MAP3K7CL: variants seen among roughly 807,000 people sequenced by gnomAD.
The protein encoded by MAP3K7CL is MAP3K7 C-terminal like.
In MAP3K7CL, 16 loss-of-function variants were observed where a neutral mutation model predicts 18.6. That is an observed-to-expected ratio of 0.86 (90% confidence interval 0.58 to 1.31). MAP3K7CL has a LOEUF of 1.31. Among genes scored for constraint, MAP3K7CL ranks in the 50% most tolerant of loss-of-function variants. The pLI is 0.00. For synonymous variants in MAP3K7CL, 65 were observed against 66.8 expected (o/e 0.97, Z 0.13); for missense variants, 163 against 174.4 (o/e 0.93, Z 0.37).
upstream of MAP3K7CL, among the ~76,000 whole-genome samples, chr21:29,085,466 G>A (rs2085907404): frequency 6.8e-6 from 1 of 146,910 alleles, no homozygotes; most frequent in Non-Finnish European, 1.5e-5. Flanking sequence ...AGAATGGAGT[G>A]AACCCGGGAG....
In MAP3K7CL at chr21:29,108,640, C is replaced by G. The variant is rs532628270; in HGVS notation, c.370+16059C>G. Among the ~76,000 whole-genome samples, 24 of 152,272 alleles carry G rather than the reference C, an allele frequency of 1.6e-4. 1 individual carries two copies. The South Asian group carries it at 2.7e-3, about 17-fold the overall frequency. On this transcript the variant is annotated intron_variant, in intron 4 of 6. Coordinates refer to the MAP3K7CL transcript ENST00000286791. Reference sequence around the variant, plus strand: ...CTTACAGCATCTGGGTATGTTTGGACAAACCACTCCCCTCTCTGAGTCCCA... The same window carrying G: ...CTTACAGCATCTGGGTATGTTTGGAGAAACCACTCCCCTCTCTGAGTCCCA...
intron 4 of MAP3K7CL, among the ~76,000 whole-genome samples, chr21:29,105,239 G>A (rs749301995): frequency 3.9e-5 from 6 of 152,142 alleles, no homozygotes; most frequent in Admixed American, 6.6e-5. Context: ...TATTGAAAAA[G>A]GCCTTGCTCT....
intron 4 of MAP3K7CL, among the ~76,000 whole-genome samples, chr21:29,174,399 A>G (rs1000269456): frequency 1.3e-4 from 20 of 152,242 alleles, no homozygotes; most frequent in Non-Finnish European, 4.4e-5. Flanking sequence ...GAAAAATTTT[A>G]CACAGATATT....
chr21:29,159,838 G>T, intron 3 of MAP3K7CL, 103 bp from the exon 4 acceptor site: 4 of 713,546 alleles, frequency 5.6e-6, no homozygotes, highest in Non-Finnish European at 6.9e-6. Context: ...AAAAAAAAAA[G>T]AAGAAGAAAA....
chr21:29,125,148 G>T (rs916887746), intron 4 of MAP3K7CL, among the ~76,000 whole-genome samples: 1 of 152,144 alleles, frequency 6.6e-6, no homozygotes, highest in Non-Finnish European at 1.5e-5. Context: ...CATAGTGCCT[G>T]TTTTATTTCT....
intron 4 of MAP3K7CL, among the ~76,000 whole-genome samples, chr21:29,110,035 G>C (rs1219672950): frequency 9.9e-5 from 15 of 152,114 alleles, no homozygotes; most frequent in Admixed American, 9.2e-4. Flanking sequence ...GTACTTACTT[G>C]CATTTCTGTG....
chr21:29,154,034 G>A (rs1421384354), intron 3 of MAP3K7CL, among the ~76,000 whole-genome samples: 2 of 152,152 alleles, frequency 1.3e-5, no homozygotes, highest in East Asian at 1.9e-4. Context: ...TTAGCATTGG[G>A]TTGGCCTGGA....
intron 4 of MAP3K7CL, among the ~76,000 whole-genome samples, chr21:29,103,140 C>G (rs565336628): frequency 1.3e-4 from 20 of 152,312 alleles, no homozygotes; most frequent in Admixed American, 1.2e-3. Flanking sequence ...TGCAGCCTGT[C>G]TTTGTAAATA....
chr21:29,112,831 C>CT (rs918701957), intron 4 of MAP3K7CL, among the ~76,000 whole-genome samples: 7 of 144,494 alleles, frequency 4.8e-5, no homozygotes, highest in East Asian at 2.0e-4. Context: ...TTTTTTTTTT[C>CT]TTTTTTTTTG....
At chr21:29,135,708 C>T (rs1481884207) in intron 2 of MAP3K7CL, among the ~76,000 whole-genome samples, 5 of 152,172 alleles carry the variant, frequency 3.3e-5, no homozygotes, top group African/African-American at 9.7e-5. Flanking sequence ...GTTTTTCATC[C>T]ATCAGTTTAG....
chr21:29,079,859 C>T (rs2085807622), intron 1 of MAP3K7CL, among the ~76,000 whole-genome samples: 1 of 152,194 alleles, frequency 6.6e-6, no homozygotes, highest in South Asian at 2.1e-4. Context: ...ATTATAATCA[C>T]TCCCTGCTTA....
upstream of MAP3K7CL, among the ~76,000 whole-genome samples, chr21:29,129,626 G>A (rs2086742213): frequency 6.6e-6 from 1 of 152,190 alleles, no homozygotes; most frequent in Non-Finnish European, 1.5e-5. Context: ...GCATAAACCT[G>A]CTATAAACAT....
chr21:29,147,672 T>G (rs2087166591), intron 2 of MAP3K7CL, among the ~76,000 whole-genome samples: 1 of 151,832 alleles, frequency 6.6e-6, no homozygotes, highest in South Asian at 2.1e-4. Flanking sequence ...ATCTGTACTG[T>G]CTCTATTGTA....
At chr21:29,140,714 A>G (rs1312595198) in intron 2 of MAP3K7CL, among the ~76,000 whole-genome samples, 2 of 152,182 alleles carry the variant, frequency 1.3e-5, no homozygotes, top group Non-Finnish European at 2.9e-5. Context: ...AGAAGAAAAG[A>G]AGGGGTAAAT....
intron 3 of MAP3K7CL, among the ~76,000 whole-genome samples, chr21:29,150,914 C>A (rs1024760533): frequency 6.6e-6 from 1 of 151,810 alleles, no homozygotes; most frequent in African/African-American, 2.4e-5. Context: ...GAATTACAGG[C>A]ATGTGCCACC....
At chr21:29,171,358 A>G (rs1168998312) in intron 4 of MAP3K7CL, among the ~76,000 whole-genome samples, 1 of 152,202 alleles carries the variant, frequency 6.6e-6, no homozygotes, top group Non-Finnish European at 1.5e-5. Flanking sequence ...GACACTTTCT[A>G]ACATCTGGTT....
At chr21:29,120,620 A>G (rs2086575791) in intron 4 of MAP3K7CL, among the ~76,000 whole-genome samples, 1 of 152,114 alleles carries the variant, frequency 6.6e-6, no homozygotes, top group African/African-American at 2.4e-5. Context: ...GACATATTCT[A>G]CTCATGAAGG....
intron 4 of MAP3K7CL, among the ~76,000 whole-genome samples, chr21:29,093,358 A>C (rs2086063573): frequency 6.6e-6 from 1 of 152,240 alleles, no homozygotes; most frequent in African/African-American, 2.4e-5. Flanking sequence ...CTCAGCTAAT[A>C]CTGAATTTTT....
chr21:29,112,875 T>G (rs916385533), intron 4 of MAP3K7CL, among the ~76,000 whole-genome samples: 26 of 151,746 alleles, frequency 1.7e-4, no homozygotes, highest in Non-Finnish European at 2.9e-4. Context: ...CAGGCTAGAG[T>G]GCGCACCACT....
Sources: allele counts gnomAD v4.1 joint callset (sites outside exome capture counted in the v4.1 genomes callset), GRCh38; gene constraint gnomAD v4.1.1; transcripts MANE v1.5; gene names NCBI Gene and HGNC (gene_info 2026-07-23, HGNC 2026-07-21).